Variants in KDM4C observed in about 807,000 individuals in gnomAD.
The protein encoded by KDM4C is lysine-specific demethylase 4C.
A neutral mutation model predicts 129.3 loss-of-function variants in KDM4C; 81 were observed. That is an observed-to-expected ratio of 0.63 (90% CI 0.52 to 0.75). The LOEUF (loss-of-function observed/expected upper bound fraction) is 0.75. Among genes scored for constraint, KDM4C ranks in the 30% least tolerant of loss-of-function variants. The probability of loss-of-function intolerance (pLI) is 0.00; values close to 1 mark genes in which losing one functional copy is unlikely to be tolerated. For missense variants in KDM4C, 1,457 were observed against 1,304.0 expected (o/e 1.12, Z -1.81); for synonymous variants, 573 against 456.1 (o/e 1.26, Z -3.26).
intron 8 of KDM4C, 72 bp downstream of exon 8, chr9:6,893,304 C>T: frequency 1.6e-6 from 2 of 1,245,062 alleles, no homozygotes; most frequent in African/African-American, 1.5e-5. Context: ...ACCCTACGAT[C>T]CTGTGCAGCA....
chr9:6,954,063 C>A (rs1473518935), intron 8 of KDM4C, among the ~76,000 whole-genome samples: 1 of 152,204 alleles, frequency 6.6e-6, no homozygotes, highest in Non-Finnish European at 1.5e-5. Context: ...TCACTGCATT[C>A]ATGGATACTT....
intron 13 of KDM4C, among the ~76,000 whole-genome samples, chr9:7,012,680 T>C (rs1227727772): frequency 1.3e-5 from 2 of 152,180 alleles, no homozygotes; most frequent in Admixed American, 6.5e-5. Flanking sequence ...ATTATACTGA[T>C]AGCACCTCAG....
In KDM4C at chr9:7,174,855, A is replaced by T. The variant is rs769835582; in HGVS notation, c.*126A>T. On this transcript the variant is annotated 3_prime_UTR_variant, in exon 22 of 22. Coordinates refer to ENST00000381309, the MANE Select transcript of KDM4C (RefSeq NM_015061.6). ...ACAGGGTGTGTCTCTGACAGTGGTAAATCGGGTTTCCAGAGTTTGGTCACC... is the reference window on the plus strand; with the variant it reads ...ACAGGGTGTGTCTCTGACAGTGGTATATCGGGTTTCCAGAGTTTGGTCACC... 1 of 761,432 alleles carries T rather than the reference A, an allele frequency of 1.3e-6. No individual in the cohort carries two copies. The highest frequency in any genetic ancestry group is 2.4e-5 in the Admixed American group (1 of 41,536). 47.2% of individuals were successfully genotyped at this position (761,432 alleles called of 1,614,324 possible).
At chr9:6,948,844 C>A (rs1251190153) in intron 8 of KDM4C, among the ~76,000 whole-genome samples, 1 of 152,140 alleles carries the variant, frequency 6.6e-6, no homozygotes, top group Non-Finnish European at 1.5e-5. Flanking sequence ...AAGAATTTTT[C>A]TTAGTACAGA....
intron 17 of KDM4C, among the ~76,000 whole-genome samples, chr9:7,073,447 G>A (rs1418658766): frequency 6.6e-6 from 1 of 152,162 alleles, no homozygotes; most frequent in Non-Finnish European, 1.5e-5. Flanking sequence ...CTGGACTCCT[G>A]ACCCAACTCC....
In KDM4C at chr9:6,760,419, T is replaced by C. The variant is rs185931381; in HGVS notation, c.-18+2216T>C. Among the ~76,000 whole-genome samples, 24 of 149,542 alleles carry C rather than the reference T, an allele frequency of 1.6e-4. 1 individual carries two copies. The highest frequency in any genetic ancestry group is 8.0e-4 in the Admixed American group (12 of 14,924). On this transcript the variant is annotated intron_variant, in intron 1 of 21. Transcript: ENST00000381309. ...GAATATTTGTGAACTAGTTTTTGTG[T>C]GGACGCGTGTTTTCTCTACTCTTGG...
chr9:6,827,177 C>T (rs549003162), intron 4 of KDM4C, among the ~76,000 whole-genome samples: 6 of 152,284 alleles, frequency 3.9e-5, no homozygotes, highest in South Asian at 2.1e-4. Flanking sequence ...GACCTGTTTT[C>T]GTTTATAATC....
At chr9:6,902,395 G>T (rs1817559152) in intron 8 of KDM4C, among the ~76,000 whole-genome samples, 1 of 152,174 alleles carries the variant, frequency 6.6e-6, no homozygotes, top group African/African-American at 2.4e-5. Context: ...TAAATGTCCT[G>T]ATGGCTGTCA....
At chr9:6,850,259 T>A (rs933923742) in intron 5 of KDM4C, among the ~76,000 whole-genome samples, 1 of 152,202 alleles carries the variant, frequency 6.6e-6, no homozygotes. Context: ...TAAAGTTGCC[T>A]GTAGTCCATT....
intron 17 of KDM4C, among the ~76,000 whole-genome samples, chr9:7,050,875 C>T (rs995314002): frequency 1.3e-5 from 2 of 152,188 alleles, no homozygotes; most frequent in Non-Finnish European, 2.9e-5. Flanking sequence ...CTAGAAATAT[C>T]ATAATTGCAA....
At chr9:7,105,530 A>G (rs893918894) in intron 18 of KDM4C, 10 of 466,484 alleles carry the variant, frequency 2.1e-5, no homozygotes, top group African/African-American at 2.0e-4. Context: ...TTTCGAGGAT[A>G]AGAAACCTAA....
At chr9:6,858,158 T>C (rs1482348416) in intron 5 of KDM4C, among the ~76,000 whole-genome samples, 2 of 152,100 alleles carry the variant, frequency 1.3e-5, no homozygotes, top group East Asian at 1.9e-4. Flanking sequence ...AAGGAATGAA[T>C]TGAAGAAACA....
At chr9:7,084,736 A>G (rs1380011707) in intron 17 of KDM4C, among the ~76,000 whole-genome samples, 1 of 152,186 alleles carries the variant, frequency 6.6e-6, no homozygotes, top group Non-Finnish European at 1.5e-5. Flanking sequence ...AATACCCTCA[A>G]AGCAATATCT....
intron 17 of KDM4C, among the ~76,000 whole-genome samples, chr9:7,082,649 C>G (rs1462100282): frequency 2.0e-5 from 3 of 152,176 alleles, no homozygotes; most frequent in Non-Finnish European, 4.4e-5. Flanking sequence ...TGTCTGCTGA[C>G]TTGACACTTC....
intron 1 of KDM4C, among the ~76,000 whole-genome samples, chr9:6,767,519 C>T (rs11999797): frequency 0.094 from 14,297 of 151,892 alleles, 795 homozygotes; most frequent in Non-Finnish European, 0.11. Context: ...ACTGCAACCT[C>T]TGCCTCCCAG....
rs1380047793 is a variant in KDM4C, at chr9:6,986,489, A to G, written c.1500A>G (p.Ser500=). The G allele has an allele frequency of 2.5e-6, 4 of 1,614,086 alleles. No individual in the cohort carries two copies. Among genetic ancestry groups the G allele is most frequent in the Non-Finnish European group, 3.4e-6 (4 of 1,180,048 alleles). ...LSSGYEKPEK[S]DPSELSWPKS... ...GTGGCTATGAGAAGCCCGAGAAATC[A>G]GACCCATCCGAGCTTTCATGGCCAA... The change falls in exon 11 of 22, where the codon TCA becomes TCG. Residue 500 remains serine (S), a synonymous_variant. Transcript: ENST00000381309.
At chr9:7,084,652 C>G (rs1834910514) in intron 17 of KDM4C, among the ~76,000 whole-genome samples, 1 of 152,208 alleles carries the variant, frequency 6.6e-6, no homozygotes, top group South Asian at 2.1e-4. Flanking sequence ...AGTTTTTGAA[C>G]TGCTCTGTGG....
chr9:7,041,237 AT>A (rs5896175), intron 15 of KDM4C, among the ~76,000 whole-genome samples: 5,260 of 152,078 alleles, frequency 0.035, 134 homozygotes, highest in South Asian at 0.094. Context: ...CAGTATAACA[AT>A]TTACATATCT....
intron 5 of KDM4C, among the ~76,000 whole-genome samples, chr9:6,873,467 G>T (rs1185382540): frequency 6.6e-6 from 1 of 152,184 alleles, no homozygotes; most frequent in Non-Finnish European, 1.5e-5. Flanking sequence ...TTGCTGCAAT[G>T]TCTATTAATA....
Sources: gnomAD v4.1 joint callset for allele counts (sites outside exome capture counted in the v4.1 genomes callset) on GRCh38, gnomAD v4.1.1 for gene constraint, MANE v1.5 for transcripts, NCBI Gene and HGNC (gene_info 2026-07-23, HGNC 2026-07-21) for gene names.